DMD: variants seen among roughly 807,000 people sequenced by gnomAD.
The protein encoded by DMD is dystrophin, also known as mutant dystrophin.
In DMD, 63 loss-of-function variants were observed where a neutral mutation model predicts 330.1. The observed-to-expected ratio is 0.19, with a 90% CI of 0.16 to 0.24. The LOEUF (loss-of-function observed/expected upper bound fraction) is 0.24. DMD is among the 10% of genes least tolerant of loss of function. The pLI is 1.00. For missense variants in DMD, 3,344 were observed against 2,684.1 expected (o/e 1.25, Z -5.43); for synonymous variants, 1,223 against 959.8 (o/e 1.27, Z -5.07).
At chrX:32,525,000 C>A (rs1206846232) in intron 17 of DMD, among the ~76,000 whole-genome samples, 1 of 111,690 alleles carries the variant, frequency 9.0e-6, no homozygotes, top group Admixed American at 9.5e-5. Context: ...TAAAATGGAA[C>A]AAAGAAACAT....
chrX:31,389,033 TG>T (rs2060584448), intron 60 of DMD, among the ~76,000 whole-genome samples: 2 of 112,763 alleles, frequency 1.8e-5, no homozygotes, highest in South Asian at 7.3e-4. Flanking sequence ...ATATACAATT[TG>T]TCCAACTTCC....
At chrX:33,123,122 T>C (rs749728731) in intron 1 of DMD, among the ~76,000 whole-genome samples, 3 of 112,203 alleles carry the variant, frequency 2.7e-5, no homozygotes, top group Non-Finnish European at 5.6e-5. Flanking sequence ...TACAGTCACA[T>C]GCTGTACAGG....
intron 62 of DMD, among the ~76,000 whole-genome samples, chrX:31,299,891 T>C (rs1446554687): frequency 9.0e-6 from 1 of 111,028 alleles, no homozygotes; most frequent in African/African-American, 3.3e-5. Flanking sequence ...ACCTTGATAT[T>C]AGATATATTT....
intron 55 of DMD, among the ~76,000 whole-genome samples, chrX:31,603,339 T>C (rs2077460512): frequency 9.0e-6 from 1 of 111,253 alleles, no homozygotes. Context: ...TGGTTTATAA[T>C]CAATACAATC....
chrX:32,856,035 C>A (rs182970617), intron 2 of DMD, among the ~76,000 whole-genome samples: 73 of 111,791 alleles, frequency 6.5e-4, no homozygotes, highest in African/African-American at 2.3e-3. Flanking sequence ...AGAGATGACA[C>A]AAATGTCAAA....
At chrX:32,386,285 G>A (rs1266376222) in intron 33 of DMD, 25 bp downstream of exon 33, 1 of 1,203,899 alleles carries the variant, frequency 8.3e-7, no homozygotes, top group East Asian at 3.0e-5. Context: ...GGAAAGAAGT[G>A]TTTGTGGTCT....
At chrX:31,571,707 T>C (rs190378974) in intron 55 of DMD, among the ~76,000 whole-genome samples, 6 of 111,657 alleles carry the variant, frequency 5.4e-5, no homozygotes, top group Admixed American at 2.9e-4. Context: ...TACTGACATA[T>C]TGGACCAAAT....
At chrX:31,357,933 T>C (rs2058749615) in intron 60 of DMD, among the ~76,000 whole-genome samples, 1 of 112,074 alleles carries the variant, frequency 8.9e-6, no homozygotes, top group Admixed American at 9.5e-5. Context: ...ACAAGTTATT[T>C]ACTTCACGCT....
rs185323624 is a variant in DMD at position 32,440,629 on chromosome X, T to C, written c.3921+551A>G. ...CAGAAGTTAAAGTCAAGTTTATAAA[T>C]GCAAACTCATTTAATTATTGAAAGT... On this transcript the variant is annotated intron_variant, in intron 28 of 78. Transcript: ENST00000357033. Among the ~76,000 whole-genome samples the C allele has an allele frequency of 2.8e-3, 317 of 111,671 alleles. 1 individual carries two copies. The highest frequency in any genetic ancestry group is 9.5e-3 in the African/African-American group (293 of 30,900).
intron 9 of DMD, among the ~76,000 whole-genome samples, chrX:32,668,565 G>C (rs1015293916): frequency 8.9e-6 from 1 of 111,944 alleles, no homozygotes; most frequent in African/African-American, 3.3e-5. Context: ...AGGAGACAGA[G>C]TCCTACTGAT....
At chrX:32,342,573 T>A in intron 40 of DMD, 1 of 334,512 alleles carries the variant, frequency 3.0e-6, no homozygotes, top group Admixed American at 5.3e-5. Flanking sequence ...TTGAAACAAT[T>A]TGGAGTGATA....
At chrX:32,093,318 G>A (rs1381995629) in intron 44 of DMD, among the ~76,000 whole-genome samples, 4 of 111,695 alleles carry the variant, frequency 3.6e-5, no homozygotes, top group Non-Finnish European at 7.5e-5. Context: ...CAGTAAACAT[G>A]GGAACAAAGC....
intron 30 of DMD, among the ~76,000 whole-genome samples, chrX:32,409,259 T>G (rs1258469570): frequency 9.0e-6 from 1 of 111,728 alleles, no homozygotes; most frequent in Admixed American, 9.6e-5. Context: ...TGTCAAGAAC[T>G]ATGTTGATAA....
Position 31,260,996 on chromosome X carries a change from C to T in DMD, c.9245G>A (p.Cys3082Tyr). The T allele has an allele frequency of 1.7e-6, 2 of 1,211,115 alleles. No homozygotes were observed. Among genetic ancestry groups the T allele is most frequent in the Non-Finnish European group, 2.2e-6 (2 of 895,157 alleles). ...YYINHETQTT[C>Y]WDHPKMTELY... ...CTCTGTCATTTTGGGATGGTCCCAG[C>T]AAGTTGTTTGAGTCTCGTGGCTAAA... Residue 3082 changes from cysteine to tyrosine, a missense_variant, in exon 63 of 79, where the codon TGC becomes TAC. Physicochemically the swap from Cys to Tyr is radical, Grantham distance 194. Coordinates refer to ENST00000357033, the MANE Select transcript of DMD (RefSeq NM_004006.3).
chrX:33,165,378 G>C (rs12557396), intron 1 of DMD, among the ~76,000 whole-genome samples: 16,158 of 111,123 alleles, frequency 0.15, 1,360 homozygotes, highest in East Asian at 0.44. Flanking sequence ...CAATAAACAA[G>C]AACATCCATC....
At chrX:33,107,862 A>AT (rs1180940325) in intron 1 of DMD, among the ~76,000 whole-genome samples, 3 of 111,495 alleles carry the variant, frequency 2.7e-5, no homozygotes, top group Admixed American at 9.6e-5. Flanking sequence ...AGTACTGTAT[A>AT]TTTTTTTATC....
chrX:32,216,613 G>A (rs1200059448), intron 44 of DMD, among the ~76,000 whole-genome samples: 1 of 111,280 alleles, frequency 9.0e-6, no homozygotes, highest in Admixed American at 9.6e-5. Flanking sequence ...AATACACACT[G>A]CCCCAAAGCC....
intron 55 of DMD, among the ~76,000 whole-genome samples, chrX:31,529,943 T>C (rs908272597): frequency 9.0e-6 from 1 of 110,708 alleles, no homozygotes; most frequent in Non-Finnish European, 1.9e-5. Context: ...ACGACATCTA[T>C]TGTGTATTAT....
chrX:31,968,333 C>A lies in DMD; in HGVS notation c.6614+6G>T, dbSNP rs750175070. The stretch of plus-strand genomic sequence containing the variant: ...GTTTTCATTCCTATTAGATCTGTCG[C>A]CCTACCTCTTTTTTCTGTCTGACAG... On this transcript the variant is annotated splice_donor_region_variant and intron_variant, in intron 45 of 78. Transcript: ENST00000357033. 1 of 1,209,805 alleles carries A rather than the reference C, an allele frequency of 8.3e-7. No homozygotes were observed. Among genetic ancestry groups the A allele is most frequent in the South Asian group, 1.8e-5 (1 of 56,969 alleles).
Sources: allele counts gnomAD v4.1 joint callset (sites outside exome capture counted in the v4.1 genomes callset), GRCh38; gene constraint gnomAD v4.1.1; transcripts MANE v1.5; gene names NCBI Gene and HGNC (gene_info 2026-07-23, HGNC 2026-07-21).